FRMD4A: variants seen among roughly 807,000 people sequenced by gnomAD.
FRMD4A encodes FERM domain-containing protein 4A.
Under a neutral mutation model 129.1 loss-of-function variants are expected in FRMD4A, and 29 were observed. The observed-to-expected ratio is 0.22, with a 90% CI of 0.17 to 0.31. The LOEUF (loss-of-function observed/expected upper bound fraction) is 0.31. Among genes scored for constraint, FRMD4A ranks in the 10% least tolerant of loss-of-function variants. The probability of loss-of-function intolerance (pLI) is 1.00; values close to 1 mark genes in which losing one functional copy is unlikely to be tolerated. For synonymous variants in FRMD4A, 634 were observed against 571.6 expected, an observed-to-expected ratio of 1.11 and a Z score of -1.56; for missense variants, 1,272 against 1,375.8, an observed-to-expected ratio of 0.92 and a Z score of 1.19.
chr10:14,205,837 A>G (rs1842766960), intron 2 of FRMD4A, among the ~76,000 whole-genome samples: 1 of 146,420 alleles, frequency 6.8e-6, no homozygotes, highest in Non-Finnish European at 1.5e-5. Flanking sequence ...AAAGGGAATT[A>G]TGTTTACTCT....
chr10:14,034,055 C>T (rs1281563054), intron 2 of FRMD4A, among the ~76,000 whole-genome samples: 1 of 152,120 alleles, frequency 6.6e-6, no homozygotes, highest in Non-Finnish European at 1.5e-5. Context: ...AACACGGGTC[C>T]ACTATGTTGT....
intron 2 of FRMD4A, among the ~76,000 whole-genome samples, chr10:14,200,733 G>A (rs191104520): frequency 6.6e-6 from 1 of 152,318 alleles, no homozygotes; most frequent in East Asian, 1.9e-4. Context: ...TGTCCCAGTG[G>A]CAAGCTATGG....
chr10:14,308,269 A>G (rs1261019847), intron 2 of FRMD4A, among the ~76,000 whole-genome samples: 3 of 152,350 alleles, frequency 2.0e-5, no homozygotes, highest in African/African-American at 7.2e-5. Flanking sequence ...TTGGTCTTGA[A>G]TGACACTCTT....
chr10:14,157,779 G>A (rs1372369852), intron 2 of FRMD4A, among the ~76,000 whole-genome samples: 2 of 152,210 alleles, frequency 1.3e-5, no homozygotes, highest in Non-Finnish European at 2.9e-5. Context: ...AATTTACTAC[G>A]AATGTAGGAC....
intron 3 of FRMD4A, among the ~76,000 whole-genome samples, chr10:13,819,101 C>CT (rs2093590750): frequency 1.3e-5 from 2 of 151,134 alleles, no homozygotes; most frequent in African/African-American, 4.9e-5. Context: ...ACCCTCCAGC[C>CT]TGGGTGACAG....
chr10:14,123,787 G>C (rs763535529), intron 2 of FRMD4A, among the ~76,000 whole-genome samples: 2 of 152,158 alleles, frequency 1.3e-5, no homozygotes, highest in African/African-American at 4.8e-5. Flanking sequence ...CTGTTACTAA[G>C]CCTTTACATA....
chr10:14,153,740 G>A (rs1008790762), intron 2 of FRMD4A, among the ~76,000 whole-genome samples: 1 of 152,132 alleles, frequency 6.6e-6, no homozygotes, highest in Non-Finnish European at 1.5e-5. Context: ...TAGGTTCTCT[G>A]GCCAATCGCC....
At chr10:14,205,349 C>T (rs1842751944) in intron 2 of FRMD4A, among the ~76,000 whole-genome samples, 1 of 152,086 alleles carries the variant, frequency 6.6e-6, no homozygotes, top group Non-Finnish European at 1.5e-5. Flanking sequence ...GTTCTCTCGG[C>T]CATGGGAGGA....
intron 2 of FRMD4A, among the ~76,000 whole-genome samples, chr10:14,222,412 A>T (rs1034992252): frequency 1.6e-4 from 24 of 152,294 alleles, no homozygotes; most frequent in Non-Finnish European, 2.9e-5. Flanking sequence ...TGGAGAAGGT[A>T]AGTGATGTCT....
chr10:13,791,449 G>A (rs944752701), intron 5 of FRMD4A, among the ~76,000 whole-genome samples: 7 of 88,948 alleles, frequency 7.9e-5, no homozygotes, highest in Non-Finnish European at 2.0e-4. Flanking sequence ...GCGGGTGGGT[G>A]TGTGTGTGAG....
intron 2 of FRMD4A, among the ~76,000 whole-genome samples, chr10:14,316,735 G>A (rs1846756728): frequency 6.6e-6 from 1 of 152,154 alleles, no homozygotes. Flanking sequence ...GACCACATGA[G>A]GAATATCAGG....
At position 14,121,650 on chromosome 10, in the gene FRMD4A, G is replaced by A. The variant is rs190640169; in HGVS notation, c.45+208408C>T. 2.6e-5 allele frequency among the ~76,000 whole-genome samples: 4 copies of A among 152,224 alleles called. No homozygotes were observed. In the South Asian group the frequency reaches 6.2e-4, roughly 24 times the overall value. ...CCAGAAGGCTGGTCTCAAACAGGTC[G>A]CTCCCTCCTCCCCTGGAACTTCTGA... is the stretch of plus-strand genomic sequence containing the variant. On this transcript the variant is annotated intron_variant, in intron 2 of 24. Coordinates refer to ENST00000357447, the MANE Select transcript of FRMD4A (RefSeq NM_018027.5).
At chr10:14,204,551 C>G (rs1047481264) in intron 2 of FRMD4A, among the ~76,000 whole-genome samples, 2 of 152,164 alleles carry the variant, frequency 1.3e-5, no homozygotes, top group African/African-American at 4.8e-5. Flanking sequence ...AGTCACGGTT[C>G]ATTCCTTTTC....
intron 12 of FRMD4A, among the ~76,000 whole-genome samples, chr10:13,714,122 C>T (rs191865374): frequency 6.4e-5 from 9 of 141,338 alleles, no homozygotes; most frequent in East Asian, 2.1e-4. Context: ...TGCAGTGGCA[C>T]GTTCTCAGCT....
Position 14,208,227 on chromosome 10 carries a change from A to G in FRMD4A, c.45+121831T>C, listed in dbSNP as rs1842841079. ...AACAAACGAAACCAAGCAGAAAACAAAAACCAAAGTTATTGCTTAAATCCT... is the reference window on the plus strand; with the variant it reads ...AACAAACGAAACCAAGCAGAAAACAGAAACCAAAGTTATTGCTTAAATCCT... On this transcript the variant is annotated intron_variant, in intron 2 of 24. Coordinates refer to ENST00000357447, the MANE Select transcript of FRMD4A (RefSeq NM_018027.5). 4.6e-5 allele frequency among the ~76,000 whole-genome samples: 7 copies of G among 152,084 alleles called. No homozygotes were observed. In the South Asian group the frequency reaches 1.5e-3, roughly 32 times the overall value.
chr10:14,092,634 G>C (rs182274741), intron 2 of FRMD4A, among the ~76,000 whole-genome samples: 1 of 152,240 alleles, frequency 6.6e-6, no homozygotes, highest in Non-Finnish European at 1.5e-5. Context: ...GGAGTTTGCA[G>C]GGGTGATCCT....
At position 13,693,983 on chromosome 10, in the gene FRMD4A, C is replaced by G; in HGVS notation, c.1032G>C (p.Thr344=). The G allele has an allele frequency of 1.3e-6, 2 of 1,556,994 alleles. No homozygotes were observed. The highest frequency in any genetic ancestry group is 1.2e-5 in the South Asian group (1 of 80,260). Residue 344 remains threonine (T), a synonymous_variant, in exon 15 of 25, where the codon ACG becomes ACC. Transcript: ENST00000357447. The stretch of plus-strand genomic sequence containing the variant: ...CCAGCTTCGAGGTCTTCAGCGTCCC[C>G]GTCTCGGTCAGGTCGATGGCGATCT... ...LSEIAIDLTE[T]GTLKTSKLAN...
Position 13,680,528 on chromosome 10 carries a change from C to G in FRMD4A, c.1118-5484G>C, listed in dbSNP as rs556126717. ...AGATCAGGAGGTCAGATTTTGAGAC[C>G]AGCCTGGCCAACATGGCGAAACCCT... On this transcript the variant is annotated intron_variant, in intron 15 of 24. Transcript: ENST00000357447. Among the ~76,000 whole-genome samples, 7 of 152,144 alleles carry G rather than the reference C, an allele frequency of 4.6e-5. No homozygotes were observed. The South Asian group carries it at 1.5e-3, about 32-fold the overall frequency.
Position 14,237,367 on chromosome 10 carries a change from G to A in FRMD4A, c.45+92691C>T, listed in dbSNP as rs138473971. On this transcript the variant is annotated intron_variant, in intron 2 of 24. Coordinates refer to ENST00000357447, the MANE Select transcript of FRMD4A (RefSeq NM_018027.5). ...TTGTTTTGAGATGGTGTCACACTCTGTCGCCCAGGCTGGAGTGCAATGGCA... is the reference window on the plus strand; with the variant it reads ...TTGTTTTGAGATGGTGTCACACTCTATCGCCCAGGCTGGAGTGCAATGGCA... Among the ~76,000 whole-genome samples the A allele has an allele frequency of 6.5e-3, 995 of 152,246 alleles. 9 individuals carry two copies. The highest frequency in any genetic ancestry group is 0.024 in the Middle Eastern group (7 of 294).
Sources: gnomAD v4.1 joint callset for allele counts (sites outside exome capture counted in the v4.1 genomes callset) on GRCh38, gnomAD v4.1.1 for gene constraint, MANE v1.5 for transcripts, NCBI Gene and HGNC (gene_info 2026-07-23, HGNC 2026-07-21) for gene names.